Variants in GMDS observed in about 807,000 individuals in gnomAD.
The protein encoded by GMDS is GDP-mannose 4,6 dehydratase.
A neutral mutation model predicts 49.9 loss-of-function variants in GMDS; 20 were observed. The ratio of observed to expected loss-of-function variants is 0.40; its 90% confidence interval spans 0.28 to 0.58. The LOEUF (loss-of-function observed/expected upper bound fraction) is 0.58. Ranked by LOEUF, GMDS falls within the 20% of genes least tolerant of loss-of-function variation. The pLI, the probability that GMDS is intolerant of heterozygous loss-of-function variation, is 0.42. For synonymous variants in GMDS, 177 were observed against 178.6 expected, an observed-to-expected ratio of 0.99 and a Z score of 0.07; for missense variants, 362 against 481.4, an observed-to-expected ratio of 0.75 and a Z score of 2.32.
intron 4 of GMDS, among the ~76,000 whole-genome samples, chr6:2,027,917 CAG>C (rs1561987409): frequency 6.6e-6 from 1 of 152,088 alleles, no homozygotes; most frequent in Non-Finnish European, 1.5e-5. Context: ...ATTGCCACTG[CAG>C]AGTCCTGTTC....
chr6:2,043,828 C>G (rs1271162625), intron 4 of GMDS, among the ~76,000 whole-genome samples: 5 of 151,808 alleles, frequency 3.3e-5, no homozygotes, highest in African/African-American at 9.7e-5. Flanking sequence ...GGTCTAATAT[C>G]CAACACATAT....
intron 7 of GMDS, among the ~76,000 whole-genome samples, chr6:1,869,566 C>A (rs1758617286): frequency 6.6e-6 from 1 of 152,194 alleles, no homozygotes; most frequent in Non-Finnish European, 1.5e-5. Flanking sequence ...TGTTGATCTG[C>A]ATAAGAACCA....
chr6:1,674,363 C>G (rs530003433), intron 9 of GMDS, among the ~76,000 whole-genome samples: 1 of 152,032 alleles, frequency 6.6e-6, no homozygotes, highest in Admixed American at 6.6e-5. Flanking sequence ...TCAGGTTGTT[C>G]ATTTTCTTGT....
chr6:1,791,284 A>C (rs955531814), intron 7 of GMDS, among the ~76,000 whole-genome samples: 1 of 152,200 alleles, frequency 6.6e-6, no homozygotes, highest in Non-Finnish European at 1.5e-5. Context: ...CTGGGCGCTT[A>C]AACACAGAAA....
intron 4 of GMDS, among the ~76,000 whole-genome samples, chr6:2,106,416 T>C (rs1774244129): frequency 6.6e-6 from 1 of 152,222 alleles, no homozygotes; most frequent in Admixed American, 6.5e-5. Flanking sequence ...ATATTTAATA[T>C]CAAGCTTTAC....
intron 8 of GMDS, among the ~76,000 whole-genome samples, chr6:1,726,824 G>A (rs1444417476): frequency 6.6e-6 from 1 of 151,964 alleles, no homozygotes. Context: ...CAAAGATTTT[G>A]TATTTCTCTA....
At chr6:2,135,560 A>C (rs558082112) in intron 1 of GMDS, among the ~76,000 whole-genome samples, 23 of 150,504 alleles carry the variant, frequency 1.5e-4, no homozygotes, top group Admixed American at 9.9e-4. Flanking sequence ...AGTTTCTATA[A>C]TCTAGCGAGA....
At position 2,157,102 on chromosome 6, in the gene GMDS, C is replaced by G. The variant is rs191009905; in HGVS notation, c.103-32371G>C. ...GACTCACTAAAAACTCCATTTATAA[C>G]TGTAGCACAGCACAGATCGTCTTCA... On this transcript the variant is annotated intron_variant, in intron 1 of 10. Transcript: ENST00000380815. Among the ~76,000 whole-genome samples, 302 of 152,336 alleles carry G rather than the reference C, an allele frequency of 2.0e-3. 3 individuals are homozygous for G. The highest frequency in any genetic ancestry group is 0.01 in the Middle Eastern group (3 of 294).
chr6:2,152,479 T>C (rs1052189658), intron 1 of GMDS, among the ~76,000 whole-genome samples: 11 of 152,240 alleles, frequency 7.2e-5, no homozygotes, highest in African/African-American at 2.6e-4. Context: ...TCAAGAAAAT[T>C]ATGCTGGGAG....
intron 7 of GMDS, among the ~76,000 whole-genome samples, chr6:1,785,728 A>G (rs937016845): frequency 1.3e-5 from 2 of 152,130 alleles, no homozygotes; most frequent in African/African-American, 2.4e-5. Flanking sequence ...CCATCTCCTG[A>G]TGGGGGTAGC....
intron 7 of GMDS, among the ~76,000 whole-genome samples, chr6:1,804,390 C>T (rs1200119090): frequency 2.0e-5 from 3 of 152,260 alleles, no homozygotes; most frequent in Non-Finnish European, 4.4e-5. Flanking sequence ...TGTGGCGCAC[C>T]CCGGCCATCC....
At chr6:2,115,668 C>T in intron 4 of GMDS, 103 bp downstream of exon 4, 1 of 703,470 alleles carries the variant, frequency 1.4e-6, no homozygotes, top group Non-Finnish European at 2.6e-6. Context: ...AACTTGAAGA[C>T]TAAGACCAGT....
chr6:1,786,006 G>A (rs1346121512), intron 7 of GMDS, among the ~76,000 whole-genome samples: 1 of 152,162 alleles, frequency 6.6e-6, no homozygotes, highest in Non-Finnish European at 1.5e-5. Flanking sequence ...TAAGGAGTGA[G>A]ATGTTAAATA....
intron 1 of GMDS, among the ~76,000 whole-genome samples, chr6:2,179,729 A>G (rs1218300531): frequency 6.6e-6 from 1 of 152,238 alleles, no homozygotes; most frequent in African/African-American, 2.4e-5. Context: ...CTGCCAAAGT[A>G]TGTAAAATCA....
chr6:2,208,797 C>T (rs1195555928), intron 1 of GMDS, among the ~76,000 whole-genome samples: 5 of 151,088 alleles, frequency 3.3e-5, no homozygotes, highest in Non-Finnish European at 7.4e-5. Flanking sequence ...AAGTTAAACA[C>T]ATTTTGCTAA....
intron 7 of GMDS, among the ~76,000 whole-genome samples, chr6:1,873,871 C>T (rs934610059): frequency 6.6e-6 from 1 of 152,196 alleles, no homozygotes; most frequent in Non-Finnish European, 1.5e-5. Context: ...TACCAAAGCA[C>T]CAGAAACCCA....
rs376074580 is a variant in GMDS, at chr6:2,063,788, C to T, written c.345+51983G>A. On this transcript the variant is annotated intron_variant, in intron 4 of 10. Transcript: ENST00000380815. ...CCTGTCATTATGTCAAACAATTTGG[C>T]CCACTTCCATAACAAGACAAAAGTC... Among the ~76,000 whole-genome samples the T allele has an allele frequency of 1.6e-4, 25 of 152,246 alleles. No homozygotes were observed. The East Asian group carries it at 2.7e-3, about 16-fold the overall frequency.
chr6:1,971,528 G>A (rs931634919), intron 4 of GMDS, among the ~76,000 whole-genome samples: 4 of 152,168 alleles, frequency 2.6e-5, no homozygotes, highest in African/African-American at 9.7e-5. Context: ...GCATATTAAG[G>A]TATAGTTCCA....
chr6:1,694,752 C>T (rs1765282063), intron 9 of GMDS, among the ~76,000 whole-genome samples: 1 of 152,236 alleles, frequency 6.6e-6, no homozygotes. Flanking sequence ...ACAATTACGT[C>T]GTGAAGGTTA....
Sources: gnomAD v4.1 joint callset for allele counts (sites outside exome capture counted in the v4.1 genomes callset) on GRCh38, gnomAD v4.1.1 for gene constraint, MANE v1.5 for transcripts, NCBI Gene and HGNC (gene_info 2026-07-23, HGNC 2026-07-21) for gene names.